Variants in PDE1C observed in about 807,000 individuals in gnomAD.
PDE1C encodes the protein phosphodiesterase 1C.
A neutral mutation model predicts 93.1 loss-of-function variants in PDE1C; 62 were observed. The observed-to-expected ratio is 0.67, with a 90% CI of 0.54 to 0.82. PDE1C has a LOEUF of 0.82. Ranked by LOEUF, PDE1C falls within the 40% of genes least tolerant of loss-of-function variation. The pLI is 0.00. For missense variants in PDE1C, 742 were observed against 884.6 expected (o/e 0.84, Z 2.04); for synonymous variants, 325 against 310.1 (o/e 1.05, Z -0.50).
intron 1 of PDE1C, among the ~76,000 whole-genome samples, chr7:32,259,231 A>C (rs1482731648): frequency 6.6e-6 from 1 of 152,208 alleles, no homozygotes; most frequent in Non-Finnish European, 1.5e-5. Context: ...ATGGAGAGCA[A>C]GAAAGAGCCA....
At chr7:32,213,282 T>C (rs754600909) in intron 1 of PDE1C, among the ~76,000 whole-genome samples, 12 of 152,170 alleles carry the variant, frequency 7.9e-5, no homozygotes, top group Non-Finnish European at 7.4e-5. Context: ...ACTGGGGCGA[T>C]TGGAACACAA....
chr7:31,654,478 A>G, the PDE1C span, among the ~76,000 whole-genome samples: 1 of 152,128 alleles, frequency 6.6e-6, no homozygotes, highest in African/African-American at 2.4e-5. Flanking sequence ...ATATAATCTG[A>G]TTTACGTTTT....
At chr7:31,882,744 T>C (rs1797406373) in intron 2 of PDE1C, among the ~76,000 whole-genome samples, 1 of 152,058 alleles carries the variant, frequency 6.6e-6, no homozygotes, top group Non-Finnish European at 1.5e-5. Context: ...ATCTCAATTC[T>C]AGAACCTAAG....
At chr7:32,175,279 A>T (rs1250411707) in intron 2 of PDE1C, among the ~76,000 whole-genome samples, 1 of 152,246 alleles carries the variant, frequency 6.6e-6, no homozygotes, top group Non-Finnish European at 1.5e-5. Context: ...CAAGTATCAC[A>T]ATATAATGAG....
rs1420684158 is a variant in PDE1C, at chr7:32,109,804, GA to G, written c.308+59980del. 2.2e-4 allele frequency among the ~76,000 whole-genome samples: 34 copies of G among 152,134 alleles called. 1 individual carries two copies. Among genetic ancestry groups the G allele is most frequent in the African/African-American group, 6.5e-4 (27 of 41,496 alleles). ...TTTCTTTTCTTTTCTTTAGAGGGAA[GA>G]GGGCCTCTGAGGTGTCTTTAAAGAT... On this transcript the variant is annotated intron_variant, in intron 3 of 18. Coordinates refer to the PDE1C transcript ENST00000396193.
At chr7:32,171,629 A>G (rs115076916) in intron 2 of PDE1C, among the ~76,000 whole-genome samples, 338 of 151,476 alleles carry the variant, frequency 2.2e-3, no homozygotes, top group African/African-American at 7.9e-3. Flanking sequence ...TATTCCCTAA[A>G]TAATACAATA....
At chr7:31,726,099 C>T in the PDE1C span, among the ~76,000 whole-genome samples, 1 of 152,194 alleles carries the variant, frequency 6.6e-6, no homozygotes, top group Admixed American at 6.5e-5. Context: ...AATAGGGTCT[C>T]ACTCCATTGC....
the PDE1C span, among the ~76,000 whole-genome samples, chr7:31,683,951 G>T: frequency 6.6e-6 from 1 of 152,086 alleles, no homozygotes; most frequent in Non-Finnish European, 1.5e-5. Flanking sequence ...TACATCAAAG[G>T]GCTCTTGGAC....
chr7:32,146,572 C>G (rs2128785095), intron 3 of PDE1C, among the ~76,000 whole-genome samples: 1 of 152,244 alleles, frequency 6.6e-6, no homozygotes, highest in African/African-American at 2.4e-5. Context: ...TGAGATAATC[C>G]TGGATAATCT....
At chr7:31,841,484 C>G (rs1481098735) in intron 9 of PDE1C, among the ~76,000 whole-genome samples, 3 of 151,964 alleles carry the variant, frequency 2.0e-5, no homozygotes, top group Non-Finnish European at 4.4e-5. Context: ...CACCATTAAG[C>G]TTGATGTTAG....
chr7:32,311,124 C>T (rs1585102416), intron 1 of PDE1C, among the ~76,000 whole-genome samples: 2 of 152,258 alleles, frequency 1.3e-5, no homozygotes, highest in South Asian at 4.2e-4. Flanking sequence ...ACTACAAACA[C>T]CTCTATGCAA....
At chr7:32,317,025 A>G (rs1783189332) in intron 1 of PDE1C, among the ~76,000 whole-genome samples, 2 of 152,192 alleles carry the variant, frequency 1.3e-5, no homozygotes, top group African/African-American at 2.4e-5. Flanking sequence ...CGCCACTGAC[A>G]CAGCCAGCGC....
At chr7:32,411,469 C>T (rs1785167615) in intron 1 of PDE1C, among the ~76,000 whole-genome samples, 1 of 150,978 alleles carries the variant, frequency 6.6e-6, no homozygotes, top group African/African-American at 2.4e-5. Context: ...CTAAACACAG[C>T]TAAACACTTG....
At chr7:32,248,019 A>G (rs1313146259) in intron 1 of PDE1C, among the ~76,000 whole-genome samples, 1 of 152,172 alleles carries the variant, frequency 6.6e-6, no homozygotes, top group African/African-American at 2.4e-5. Context: ...AATTGACTCA[A>G]CTCAGTAAGT....
In PDE1C at chr7:32,040,375, T is replaced by G. The variant is rs150649899; in HGVS notation, c.128+11179A>C. On this transcript the variant is annotated intron_variant, in intron 2 of 17. Coordinates refer to ENST00000396191, the MANE Select transcript of PDE1C (RefSeq NM_001191057.4). ...CCTTTGTTGTGGTGGAAATGTTCCATGTACTATAGGCTATTTAGCAGTATC... is the reference window on the plus strand; with the variant it reads ...CCTTTGTTGTGGTGGAAATGTTCCAGGTACTATAGGCTATTTAGCAGTATC... Among the ~76,000 whole-genome samples the G allele has an allele frequency of 4.6e-5, 7 of 152,332 alleles. No individual in the cohort carries two copies. The East Asian group carries it at 1.3e-3, about 29-fold the overall frequency.
chr7:31,654,334 G>A, the PDE1C span, among the ~76,000 whole-genome samples: 2 of 152,176 alleles, frequency 1.3e-5, no homozygotes, highest in Admixed American at 1.3e-4. Context: ...GCTCAGTGCG[G>A]TGGGGCATGG....
chr7:32,420,169 G>GTA (rs1390755319), intron 1 of PDE1C, among the ~76,000 whole-genome samples: 1 of 30,296 alleles, frequency 3.3e-5, no homozygotes, highest in Admixed American at 5.7e-4. Context: ...ATATATATGT[G>GTA]TATATATATA....
At chr7:31,819,738 T>C (rs1227987184) in intron 14 of PDE1C, among the ~76,000 whole-genome samples, 1 of 152,158 alleles carries the variant, frequency 6.6e-6, no homozygotes, top group African/African-American at 2.4e-5. Flanking sequence ...GATTTCTTTG[T>C]CTTCCTGAAT....
At chr7:32,420,556 A>C (rs1462451019) in intron 1 of PDE1C, among the ~76,000 whole-genome samples, 1 of 149,884 alleles carries the variant, frequency 6.7e-6, no homozygotes, top group African/African-American at 2.5e-5. Context: ...TCCATCTCAA[A>C]AAAAAAAGGG....
Sources: allele counts gnomAD v4.1 joint callset (sites outside exome capture counted in the v4.1 genomes callset), GRCh38; gene constraint gnomAD v4.1.1; transcripts MANE v1.5; gene names NCBI Gene and HGNC (gene_info 2026-07-23, HGNC 2026-07-21).